The following SYT10 variants were observed in gnomAD, a reference collection of about 807,000 sequenced individuals.
SYT10 encodes the protein synaptotagmin 10.
In SYT10, 31 loss-of-function variants were observed where a neutral mutation model predicts 51.1. That is an observed-to-expected ratio of 0.61 (90% CI 0.46 to 0.82). SYT10 has a LOEUF of 0.82. Ranked by LOEUF, SYT10 falls within the 40% of genes least tolerant of loss-of-function variation. The probability of loss-of-function intolerance (pLI) is 0.00; values close to 1 mark genes in which losing one functional copy is unlikely to be tolerated. For synonymous variants in SYT10, 233 were observed against 225.9 expected (o/e 1.03, Z -0.28); for missense variants, 603 against 634.0 (o/e 0.95, Z 0.53).
Position 33,407,470 on chromosome 12 carries a change from T to A in SYT10, c.510-114A>T, listed in dbSNP as rs1866369253. 7.4e-6 allele frequency: 8 copies of A among 1,074,654 alleles called. No individual in the cohort carries two copies. In the Admixed American group the frequency reaches 1.3e-4, roughly 17 times the overall value. 66.6% of individuals were successfully genotyped at this position (1,074,654 alleles called of 1,614,324 possible). On this transcript the variant is annotated intron_variant, in intron 2 of 6. Transcript: ENST00000228567. Reference sequence around the variant, plus strand: ...CCAGAATAGTGAAAAGATATCTATATCTACATAGATAGACACATACATATA... The same window carrying A: ...CCAGAATAGTGAAAAGATATCTATAACTACATAGATAGACACATACATATA...
In SYT10 at chr12:33,391,032, G is replaced by A. The variant is rs150801409; in HGVS notation, c.1078-5741C>T. Among the ~76,000 whole-genome samples the A allele has an allele frequency of 5.0e-4, 76 of 152,258 alleles. 1 individual carries two copies. Among genetic ancestry groups the A allele is most frequent in the African/African-American group, 1.6e-3 (68 of 41,558 alleles). On this transcript the variant is annotated intron_variant, in intron 3 of 6. Coordinates refer to ENST00000228567, the MANE Select transcript of SYT10 (RefSeq NM_198992.4). ...GCTCACTGCAACCTCTGCCTCCTGGGTTCAAGCAATTATCCTGCCTCAGCC... is the reference window on the plus strand; with the variant it reads ...GCTCACTGCAACCTCTGCCTCCTGGATTCAAGCAATTATCCTGCCTCAGCC...
rs1415134220 is a variant in SYT10, at chr12:33,407,141, T to A, written c.725A>T (p.Asp242Val). ...CGKLNFTLQY[D>V]YENELLVVKI... ...AACAACTAGAAGTTCATTTTCATAA[T>A]CATACTGGAGGGTAAAGTTAAGTTT... The change falls in exon 3 of 7, where the codon GAT becomes GTT. Residue 242 changes from aspartate (D) to valine (V), a missense_variant. Asp to Val is a radical substitution (Grantham distance 152). Transcript: ENST00000228567. The A allele has an allele frequency of 1.2e-6, 2 of 1,613,892 alleles. No homozygotes were observed. The highest frequency in any genetic ancestry group is 4.5e-5 in the East Asian group (2 of 44,896).
At chr12:33,429,771 G>A (rs146903598) in intron 1 of SYT10, among the ~76,000 whole-genome samples, 257 of 152,224 alleles carry the variant, frequency 1.7e-3, no homozygotes, top group African/African-American at 5.9e-3. Flanking sequence ...GTTGGGGATC[G>A]AAATATTTGG....
At chr12:33,395,964 C>T (rs1866252650) in intron 3 of SYT10, among the ~76,000 whole-genome samples, 1 of 152,132 alleles carries the variant, frequency 6.6e-6, no homozygotes, top group South Asian at 2.1e-4. Flanking sequence ...GATTTAACAC[C>T]TAGTTCTGGC....
At chr12:33,420,696 C>T (rs138564030) in intron 2 of SYT10, among the ~76,000 whole-genome samples, 409 of 152,060 alleles carry the variant, frequency 2.7e-3, no homozygotes, top group African/African-American at 9.4e-3. Flanking sequence ...TCAGTGTTTG[C>T]GTATAAGACA....
At chr12:33,395,503 T>C (rs1449051340) in intron 3 of SYT10, among the ~76,000 whole-genome samples, 2 of 152,228 alleles carry the variant, frequency 1.3e-5, no homozygotes, top group Non-Finnish European at 2.9e-5. Flanking sequence ...AAATAGCTTC[T>C]CTTTATCTCC....
At chr12:33,438,590 C>T (rs1251082922) in intron 1 of SYT10, among the ~76,000 whole-genome samples, 1 of 152,170 alleles carries the variant, frequency 6.6e-6, no homozygotes, top group Non-Finnish European at 1.5e-5. Flanking sequence ...TATCCTCCTG[C>T]ATCCAGCCCA....
intron 2 of SYT10, among the ~76,000 whole-genome samples, chr12:33,425,434 G>A (rs566127328): frequency 2.0e-5 from 3 of 151,970 alleles, no homozygotes; most frequent in African/African-American, 2.4e-5. Flanking sequence ...AATATACTGC[G>A]GTTAATTATT....
chr12:33,405,570 C>T (rs1216157671), intron 3 of SYT10: 1 of 151,788 alleles, frequency 6.6e-6, no homozygotes, highest in Admixed American at 6.6e-5. Flanking sequence ...ATATAATTAT[C>T]CCACATACTG....
chr12:33,375,639 CA>C lies in SYT10; in HGVS notation c.*1190del, dbSNP rs1379257481. On this transcript the variant is annotated 3_prime_UTR_variant, in exon 7 of 7. Transcript: ENST00000228567. Reference sequence around the variant, plus strand: ...GCCTGAACCTTGATCCTTATGAAGGCAAATGCCTTTCATGCAAGGACTGGAG... The same window carrying C: ...GCCTGAACCTTGATCCTTATGAAGGCAATGCCTTTCATGCAAGGACTGGAG... 1.3e-5 allele frequency: 2 copies of C among 152,080 alleles called. No homozygotes were observed. Among genetic ancestry groups the C allele is most frequent in the South Asian group, 2.1e-4 (1 of 4,828 alleles). The allele number at this position is 152,080 out of a possible 1,614,324, so 9.4% of individuals were successfully genotyped here.
At chr12:33,398,675 G>A (rs1866278104) in intron 3 of SYT10, among the ~76,000 whole-genome samples, 2 of 152,022 alleles carry the variant, frequency 1.3e-5, no homozygotes, top group South Asian at 4.2e-4. Flanking sequence ...ATAATTTTTA[G>A]CATCAAGGTC....
At chr12:33,393,971 G>A (rs1160147893) in intron 3 of SYT10, among the ~76,000 whole-genome samples, 1 of 152,234 alleles carries the variant, frequency 6.6e-6, no homozygotes, top group Non-Finnish European at 1.5e-5. Flanking sequence ...GCTGGGAAGA[G>A]TGTCTGGTAA....
In SYT10 at chr12:33,406,967, A is replaced by C; in HGVS notation, c.899T>G (p.Phe300Cys). The change falls in exon 3 of 7, where the codon TTT becomes TGT. Residue 300 changes from phenylalanine (F) to cysteine (C), a missense_variant. Physicochemically the swap from Phe to Cys is radical, Grantham distance 205. Coordinates refer to ENST00000228567, the MANE Select transcript of SYT10 (RefSeq NM_198992.4). ...KTLNPLFDET[F>C]QFPVAYDQLS... ...TTGATCATATGCTACAGGAAATTGA[A>C]AAGTTTCATCAAATAGAGGATTTAA... 6.2e-7 allele frequency: 1 copy of C among 1,614,120 alleles called. No individual in the cohort carries two copies. The highest frequency in any genetic ancestry group is 8.5e-7 in the Non-Finnish European group (1 of 1,180,012).
At chr12:33,419,067 G>A (rs1371064208) in intron 2 of SYT10, among the ~76,000 whole-genome samples, 4 of 152,078 alleles carry the variant, frequency 2.6e-5, no homozygotes, top group East Asian at 3.9e-4. Flanking sequence ...TACATAAAAA[G>A]CCCTCCCAGA....
chr12:33,414,515 A>C (rs1223895200), intron 2 of SYT10, among the ~76,000 whole-genome samples: 2 of 152,332 alleles, frequency 1.3e-5, no homozygotes, highest in East Asian at 1.9e-4. Flanking sequence ...AGAACTCAGG[A>C]TTAAGAAACT....
Position 33,407,254 on chromosome 12 carries a change from G to T in SYT10, c.612C>A (p.Thr204=). Residue 204 remains threonine, a synonymous_variant, in exon 3 of 7, where the codon ACC becomes ACA. Transcript: ENST00000228567. ...EPVLQRGETT[T]SIGRIKPELY... The stretch of plus-strand genomic sequence containing the variant: ...GTTCTGGCTTTATCCTCCCAATGCT[G>T]GTTGTTGTTTCTCCTCGTTGTAAAA... 6 of 1,614,046 alleles carry T rather than the reference G, an allele frequency of 3.7e-6. No homozygotes were observed. The highest frequency in any genetic ancestry group is 5.1e-6 in the Non-Finnish European group (6 of 1,180,042).
intron 3 of SYT10, among the ~76,000 whole-genome samples, chr12:33,396,691 T>C (rs1866258800): frequency 6.6e-6 from 1 of 151,860 alleles, no homozygotes; most frequent in South Asian, 2.1e-4. Flanking sequence ...ATTCCACTTT[T>C]TTTTTTTTTT....
At chr12:33,407,491 A>G (rs1441316579) in intron 2 of SYT10, 135 bp from the exon 3 acceptor site, 2 of 818,648 alleles carry the variant, frequency 2.4e-6, no homozygotes, top group Non-Finnish European at 3.5e-6. Flanking sequence ...AGACACATAC[A>G]TATAATCAAA....
At chr12:33,388,410 G>A (rs186564696) in intron 3 of SYT10, among the ~76,000 whole-genome samples, 25 of 152,144 alleles carry the variant, frequency 1.6e-4, no homozygotes, top group Admixed American at 1.2e-3. Flanking sequence ...AATGAGTAAG[G>A]CTTTGAGTTT....
Sources: allele counts gnomAD v4.1 joint callset (sites outside exome capture counted in the v4.1 genomes callset), GRCh38; gene constraint gnomAD v4.1.1; transcripts MANE v1.5; gene names NCBI Gene and HGNC (gene_info 2026-07-23, HGNC 2026-07-21).